Variants in NCOA7 observed in about 807,000 individuals in gnomAD.
The protein encoded by NCOA7 is nuclear receptor coactivator 7.
NCOA7 carries 45 observed loss-of-function variants against 104.3 expected under a neutral mutation model. The ratio of observed to expected loss-of-function variants is 0.43; its 90% CI spans 0.34 to 0.55. The LOEUF is 0.55. Among genes scored for constraint, NCOA7 ranks in the 20% least tolerant of loss-of-function variants. The pLI, the probability that NCOA7 is intolerant of heterozygous loss-of-function variation, is 0.02. For missense variants in NCOA7, 1,041 were observed against 1,119.7 expected (o/e 0.93, Z 1.00); for synonymous variants, 398 against 402.3 (o/e 0.99, Z 0.13).
intron 1 of NCOA7, among the ~76,000 whole-genome samples, chr6:125,814,698 CA>C (rs962175142): frequency 5.9e-5 from 9 of 152,156 alleles, no homozygotes; most frequent in African/African-American, 2.2e-4. Flanking sequence ...GTGAGGGTCG[CA>C]GGGGTGGAGA....
At chr6:125,824,323 G>T (rs973919183) in intron 2 of NCOA7, among the ~76,000 whole-genome samples, 1 of 152,148 alleles carries the variant, frequency 6.6e-6, no homozygotes, top group Non-Finnish European at 1.5e-5. Flanking sequence ...TGGAACTATT[G>T]TGGTGAAACT....
intron 13 of NCOA7, among the ~76,000 whole-genome samples, chr6:125,926,802 T>C (rs1443840387): frequency 1.3e-5 from 2 of 152,234 alleles, no homozygotes; most frequent in African/African-American, 4.8e-5. Flanking sequence ...TAAAGCAATG[T>C]TCCTCAAATG....
intron 13 of NCOA7, among the ~76,000 whole-genome samples, chr6:125,925,917 C>A (rs1016160795): frequency 6.6e-6 from 1 of 152,036 alleles, no homozygotes; most frequent in African/African-American, 2.4e-5. Flanking sequence ...AAGACATTTT[C>A]TCATAATCAC....
At chr6:125,839,010 G>C (rs1162452989) in intron 2 of NCOA7, among the ~76,000 whole-genome samples, 1 of 152,044 alleles carries the variant, frequency 6.6e-6, no homozygotes, top group Non-Finnish European at 1.5e-5. Flanking sequence ...CGCATAGTGT[G>C]TTCATCACCC....
intron 10 of NCOA7, among the ~76,000 whole-genome samples, chr6:125,904,583 A>C (rs1785800054): frequency 6.6e-6 from 1 of 152,074 alleles, no homozygotes; most frequent in Admixed American, 6.5e-5. Context: ...CTCAACACCC[A>C]GTTTAACCAT....
chr6:125,910,999 G>T (rs56024363), intron 10 of NCOA7, among the ~76,000 whole-genome samples: 1 of 152,018 alleles, frequency 6.6e-6, no homozygotes, highest in Non-Finnish European at 1.5e-5. Context: ...CAAAGTCAGC[G>T]GAGTCAAAGG....
At chr6:125,860,021 C>T (rs372466190) in intron 3 of NCOA7, among the ~76,000 whole-genome samples, 14 of 152,248 alleles carry the variant, frequency 9.2e-5, no homozygotes, top group South Asian at 6.2e-4. Flanking sequence ...AGGCAGATGG[C>T]ATCAGATAAA....
upstream of NCOA7, among the ~76,000 whole-genome samples, chr6:125,786,698 TC>T (rs1774484913): frequency 6.7e-6 from 1 of 149,890 alleles, no homozygotes; most frequent in East Asian, 2.0e-4. Context: ...TGCCTCAGCC[TC>T]CCAAGTAGGT....
intron 5 of NCOA7, among the ~76,000 whole-genome samples, chr6:125,879,736 C>T (rs1583447667): frequency 1.3e-5 from 2 of 152,090 alleles, no homozygotes. Flanking sequence ...AGTGGCTCAT[C>T]CTTGTAATTC....
At chr6:125,829,766 C>CT (rs147054886) in intron 2 of NCOA7, among the ~76,000 whole-genome samples, 45,159 of 151,864 alleles carry the variant, frequency 0.3, 8,170 homozygotes, top group East Asian at 0.48. Context: ...AGTATAGAAG[C>CT]ACCAGGTAAT....
intron 13 of NCOA7, among the ~76,000 whole-genome samples, chr6:125,924,577 G>A (rs1326674098): frequency 6.6e-6 from 1 of 152,202 alleles, no homozygotes; most frequent in Non-Finnish European, 1.5e-5. Flanking sequence ...CAGCAATGAG[G>A]AGCTCTGCAG....
chr6:125,892,894 T>A (rs1784731509), intron 10 of NCOA7, among the ~76,000 whole-genome samples: 1 of 152,134 alleles, frequency 6.6e-6, no homozygotes, highest in Non-Finnish European at 1.5e-5. Context: ...ATGTTAGGAA[T>A]TTTTTTGTGG....
chr6:125,847,636 C>T (rs1027500356), intron 2 of NCOA7, among the ~76,000 whole-genome samples: 3 of 152,110 alleles, frequency 2.0e-5, no homozygotes, highest in Non-Finnish European at 4.4e-5. Context: ...TTCCTTACAC[C>T]TTATACAAAA....
chr6:125,851,990 T>C (rs1583376350), intron 2 of NCOA7, among the ~76,000 whole-genome samples: 1 of 152,348 alleles, frequency 6.6e-6, no homozygotes, highest in African/African-American at 2.4e-5. Flanking sequence ...AGATTCTAGA[T>C]ATTAGTCCTT....
At chr6:125,872,450 G>C (rs1294306974) in intron 3 of NCOA7, among the ~76,000 whole-genome samples, 1 of 152,148 alleles carries the variant, frequency 6.6e-6, no homozygotes, top group Non-Finnish European at 1.5e-5. Context: ...TATATAAAGA[G>C]ACTATTCTGA....
At chr6:125,832,172 C>G (rs1779247332) in intron 2 of NCOA7, among the ~76,000 whole-genome samples, 1 of 152,112 alleles carries the variant, frequency 6.6e-6, no homozygotes, top group South Asian at 2.1e-4. Context: ...ATAATTAATC[C>G]AAATCTACAA....
chr6:125,927,846 CTG>C, intron 14 of NCOA7, 88 bp downstream of exon 14: 2 of 1,089,406 alleles, frequency 1.8e-6, no homozygotes, highest in Non-Finnish European at 2.8e-6. Flanking sequence ...GCTAGCTGTC[CTG>C]TAACTTCTCC....
chr6:125,782,640 T>C (rs944544259), intron 1 of NCOA7, among the ~76,000 whole-genome samples: 4 of 152,220 alleles, frequency 2.6e-5, no homozygotes, highest in Admixed American at 6.5e-5. Context: ...TGGAGGACAA[T>C]AGTTTCAGAA....
At chr6:125,830,939 G>A (rs527564232) in intron 2 of NCOA7, among the ~76,000 whole-genome samples, 3 of 151,964 alleles carry the variant, frequency 2.0e-5, no homozygotes, top group Non-Finnish European at 4.4e-5. Flanking sequence ...CTATTTTCCA[G>A]GAATTTTGAA....
Sources: allele counts gnomAD v4.1 joint callset (sites outside exome capture counted in the v4.1 genomes callset), GRCh38; gene constraint gnomAD v4.1.1; transcripts MANE v1.5; gene names NCBI Gene and HGNC (gene_info 2026-07-23, HGNC 2026-07-21).